Variants in CCNY observed in about 807,000 individuals in gnomAD.
CCNY encodes cyclin-Y.
Under a neutral mutation model 42.8 loss-of-function variants are expected in CCNY, and 19 were observed. The ratio of observed to expected loss-of-function variants is 0.44; its 90% CI spans 0.31 to 0.65. The LOEUF is 0.65. Ranked by LOEUF, CCNY falls within the 30% of genes least tolerant of loss-of-function variation. The pLI is 0.07. For synonymous variants in CCNY, 165 were observed against 162.7 expected (o/e 1.01, Z -0.11); for missense variants, 370 against 437.3 (o/e 0.85, Z 1.37).
intron 1 of CCNY, among the ~76,000 whole-genome samples, chr10:35,411,356 T>C (rs1051484249): frequency 2.0e-5 from 3 of 151,742 alleles, no homozygotes; most frequent in African/African-American, 7.3e-5. Context: ...CTACTAAAAA[T>C]ACAAAAATTA....
chr10:35,568,516 C>T (rs1230689981), intron 9 of CCNY, among the ~76,000 whole-genome samples: 1 of 152,208 alleles, frequency 6.6e-6, no homozygotes, highest in Non-Finnish European at 1.5e-5. Context: ...CCCCCTGGGT[C>T]CCTCTTTCGG....
chr10:35,327,630 T>C (rs1835895437), intron 3 of CCNY: 1 of 152,232 alleles, frequency 6.6e-6, no homozygotes, highest in Non-Finnish European at 1.5e-5. Flanking sequence ...TGTTCACTTT[T>C]AGGGTATGGA....
chr10:35,530,138 A>G lies in CCNY; in HGVS notation c.474A>G (p.Pro158=), dbSNP rs771155916. 3 of 1,614,208 alleles carry G rather than the reference A, an allele frequency of 1.9e-6. No homozygotes were observed. In the Admixed American group the frequency reaches 5.0e-5, roughly 27 times the overall value. ...NLHPLSKSEV[P]PDYDKHNPEQ... is the part of the protein sequence containing the mutation. Reference sequence around the variant, plus strand: ...TTCTTCCCCAGAAATCCGAAGTGCCACCAGATTATGACAAACACAACCCAG... The same window carrying G: ...TTCTTCCCCAGAAATCCGAAGTGCCGCCAGATTATGACAAACACAACCCAG... The change falls in exon 7 of 10, where the codon CCA becomes CCG. Residue 158 remains proline (P), a synonymous_variant. Coordinates refer to ENST00000374704, the MANE Select transcript of CCNY (RefSeq NM_145012.6). This position sits in a 1 kb window ranked among gnomAD's most constrained non-coding sequence, Gnocchi z 4.3.
At chr10:35,452,770 T>TAAAAAAAAAAA (rs35849411) in intron 1 of CCNY, among the ~76,000 whole-genome samples, 1 of 115,912 alleles carries the variant, frequency 8.6e-6, no homozygotes, top group Admixed American at 8.7e-5. Context: ...TATAGAAAAG[T>TAAAAAAAAAAA]AAAAAAAAAA....
chr10:35,269,278 C>CTTCT (rs1316311950), intron 3 of CCNY, among the ~76,000 whole-genome samples: 2 of 62,904 alleles, frequency 3.2e-5, no homozygotes, highest in Admixed American at 1.6e-4. Flanking sequence ...TACTTCCTTC[C>CTTCT]TTCCTTCCTT....
chr10:35,274,925 T>G (rs1835219606), intron 3 of CCNY, among the ~76,000 whole-genome samples: 1 of 151,952 alleles, frequency 6.6e-6, no homozygotes. Context: ...CCTGCTGTGA[T>G]CCCCCTGGCT....
At chr10:35,288,210 TA>T (rs2135060426) in intron 3 of CCNY, among the ~76,000 whole-genome samples, 1 of 152,298 alleles carries the variant, frequency 6.6e-6, no homozygotes, top group Admixed American at 6.5e-5. Flanking sequence ...GATGACTAAA[TA>T]CATTGAACAT....
chr10:35,275,804 G>T (rs1401115939), intron 3 of CCNY, among the ~76,000 whole-genome samples: 1 of 152,052 alleles, frequency 6.6e-6, no homozygotes, highest in Non-Finnish European at 1.5e-5. Flanking sequence ...GTACATCCAT[G>T]ACCAGAGGAA....
chr10:35,486,708 T>C lies in CCNY; in HGVS notation c.229+3230T>C, dbSNP rs189636187. On this transcript the variant is annotated intron_variant, in intron 2 of 9. Coordinates refer to ENST00000374704, the MANE Select transcript of CCNY (RefSeq NM_145012.6). ...GGCCCATCGTGATCCAGCCTCTGCC[T>C]TCCTTCCCAGCCAACTTCCTCTCTT... Among the ~76,000 whole-genome samples the C allele has an allele frequency of 4.5e-4, 69 of 152,354 alleles. 1 individual carries two copies. The highest frequency in any genetic ancestry group is 7.2e-4 in the Admixed American group (11 of 15,300).
chr10:35,320,561 G>C (rs1336721001), intron 3 of CCNY, among the ~76,000 whole-genome samples: 4 of 152,114 alleles, frequency 2.6e-5, no homozygotes, highest in Non-Finnish European at 5.9e-5. Context: ...TTGAAAATAA[G>C]GCAAGGATGT....
chr10:35,312,747 C>CTTTTTT (rs10688043), intron 3 of CCNY, among the ~76,000 whole-genome samples: 4 of 112,158 alleles, frequency 3.6e-5, no homozygotes, highest in Middle Eastern at 4.4e-3. Context: ...TTCCTTTTTA[C>CTTTTTT]TTTTTTTTTT....
chr10:35,401,284 C>T (rs949926504), intron 1 of CCNY, among the ~76,000 whole-genome samples: 3 of 152,174 alleles, frequency 2.0e-5, no homozygotes, highest in African/African-American at 7.2e-5. Flanking sequence ...ATTTGCTTAC[C>T]AGGAAAGGAA....
At chr10:35,266,101 G>A (rs2095724898) in intron 3 of CCNY, among the ~76,000 whole-genome samples, 1 of 151,872 alleles carries the variant, frequency 6.6e-6, no homozygotes, top group African/African-American at 2.4e-5. Context: ...TTTTTGAGAT[G>A]GAGTCTTGCT....
intron 3 of CCNY, among the ~76,000 whole-genome samples, chr10:35,271,197 T>C (rs1156234023): frequency 1.3e-5 from 2 of 152,116 alleles, no homozygotes; most frequent in Admixed American, 6.5e-5. Flanking sequence ...GTCCCCAGAA[T>C]TGAAGAGACA....
chr10:35,496,838 G>T (rs752419105), intron 2 of CCNY, among the ~76,000 whole-genome samples: 13 of 152,298 alleles, frequency 8.5e-5, no homozygotes, highest in Non-Finnish European at 1.5e-4. Context: ...TGACATTGTG[G>T]CAAGAGAGTG....
rs115338290 is a variant in CCNY at position 35,535,041 on chromosome 10, A to G, written c.579+4798A>G. Among the ~76,000 whole-genome samples, 1,111 of 146,026 alleles carry G rather than the reference A, an allele frequency of 7.6e-3. 13 individuals are homozygous for G. The highest frequency in any genetic ancestry group is 0.026 in the African/African-American group (1,061 of 40,302). On this transcript the variant is annotated intron_variant, in intron 7 of 9. Transcript: ENST00000374704. ...TGTGTGTGTGTGTGTGTATGTATAT[A>G]TAGATCTATATATATGCTGCAGCCC...
intron 3 of CCNY, among the ~76,000 whole-genome samples, chr10:35,324,988 G>A (rs1835863087): frequency 6.6e-6 from 1 of 152,158 alleles, no homozygotes; most frequent in Non-Finnish European, 1.5e-5. Context: ...CACTAGAAGA[G>A]ATTGAAATTT....
intron 1 of CCNY, among the ~76,000 whole-genome samples, chr10:35,367,570 G>A (rs989400562): frequency 1.3e-5 from 2 of 152,114 alleles, no homozygotes; most frequent in Non-Finnish European, 2.9e-5. Flanking sequence ...TTAAAAGTTG[G>A]GACAGGTTAA....
chr10:35,517,289 T>G (rs1329901219), intron 4 of CCNY, among the ~76,000 whole-genome samples: 2 of 152,204 alleles, frequency 1.3e-5, no homozygotes, highest in East Asian at 3.8e-4. Flanking sequence ...GAGGGAACAC[T>G]GGTTTTTCCT....
Sources: gnomAD v4.1 joint callset for allele counts (sites outside exome capture counted in the v4.1 genomes callset) on GRCh38, gnomAD v4.1.1 for gene constraint, Gnocchi (gnomAD v3.1) non-coding constraint, MANE v1.5 for transcripts, NCBI Gene and HGNC (gene_info 2026-07-23, HGNC 2026-07-21) for gene names.